Variants in TMEM209 observed in about 807,000 individuals in gnomAD.
The protein encoded by TMEM209 is testicular tissue protein Li 202.
A neutral mutation model predicts 76.2 loss-of-function variants in TMEM209; 65 were observed. The ratio of observed to expected loss-of-function variants is 0.85; its 90% CI spans 0.70 to 1.05. TMEM209 has a LOEUF of 1.05. Among genes scored for constraint, TMEM209 ranks in the 50% least tolerant of loss-of-function variants. TMEM209 has a pLI of 0.00. For missense variants in TMEM209, 623 were observed against 685.5 expected, an observed-to-expected ratio of 0.91 and a Z score of 1.02; for synonymous variants, 239 against 237.6, an observed-to-expected ratio of 1.01 and a Z score of -0.06.
In TMEM209 at chr7:130,192,679, G is replaced by A. The variant is rs1797837452; in HGVS notation, c.718C>T (p.Arg240Ter). The A allele has an allele frequency of 1.9e-6, 3 of 1,613,750 alleles. No homozygotes were observed. The highest frequency in any genetic ancestry group is 1.1e-5 in the South Asian group (1 of 91,080). The change falls in exon 6 of 15, where the codon CGA becomes TGA. Residue 240 changes from arginine to a stop codon, truncating the protein, a stop_gained. Coordinates refer to ENST00000397622, the MANE Select transcript of TMEM209 (RefSeq NM_032842.4). LOFTEE classifies it high-confidence loss of function. ...CTTCTGAGAAAAGTATCCAAAGTTC[G>A]TAGGTCGGTCATGTAGTCTTCTTTG... ...TDKEDYMTDL[R>*]TLDTFLRSEE...
rs1231122299 is a variant in TMEM209, at chr7:130,170,374, T to TA, written c.1631+25dup. ...GGAAGAAAATCAGTAAATAACTACTTACGTTTTTAAAGCATAAGTACCTAC... is the reference window on the plus strand; with the variant it reads ...GGAAGAAAATCAGTAAATAACTACTTAACGTTTTTAAAGCATAAGTACCTAC... On this transcript the variant is annotated intron_variant, in intron 14 of 14. Transcript: ENST00000397622. The TA allele has an allele frequency of 3.8e-6, 6 of 1,578,322 alleles. No homozygotes were observed. In the African/African-American group the frequency reaches 4.1e-5, roughly 11 times the overall value.
chr7:130,185,314 G>T lies in TMEM209; in HGVS notation c.829C>A (p.Arg277Ser), dbSNP rs1194955415. The change falls in exon 7 of 15, where the codon CGT (arginine) becomes AGT (serine). Residue 277 changes from arginine (R) to serine (S), a missense_variant. Physicochemically the swap from Arg to Ser is moderately radical, Grantham distance 110. Coordinates refer to ENST00000397622, the MANE Select transcript of TMEM209 (RefSeq NM_032842.4). ...GTTTGTGCATAATCCCCCATAGAAC[G>T]ACTATAGTTCCAGAAAGTAGGACTG... ...SSSPTFWNYSRSMGDYAQTLK... is the reference protein window; with the variant it reads ...SSSPTFWNYSSSMGDYAQTLK... 1 of 1,613,952 alleles carries T rather than the reference G, an allele frequency of 6.2e-7. No individual in the cohort carries two copies. The highest frequency in any genetic ancestry group is 8.5e-7 in the Non-Finnish European group (1 of 1,179,864).
chr7:130,184,345 A>C, intron 7 of TMEM209, 90 bp from the exon 8 acceptor site: 1 of 999,838 alleles, frequency 1.0e-6, no homozygotes, highest in Non-Finnish European at 1.4e-6. Context: ...AAAATATTTA[A>C]TGAACTTTGA....
chr7:130,202,545 C>A lies in TMEM209; in HGVS notation c.318G>T (p.Gly106=). ...VVSPGQQTLL[G]LKTAVVQTTP... ...TAAAACACTCACCAGCTGTTTTCAA[C>A]CCTAAAAGTGTTTGCTGTCCAGGAC... The change falls in exon 4 of 15, where the codon GGG becomes GGT. Residue 106 remains glycine, a synonymous_variant. Coordinates refer to ENST00000397622, the MANE Select transcript of TMEM209 (RefSeq NM_032842.4). 6.2e-7 allele frequency: 1 copy of A among 1,611,912 alleles called. No homozygotes were observed. The highest frequency in any genetic ancestry group is 8.5e-7 in the Non-Finnish European group (1 of 1,179,246).
At chr7:130,202,817 G>T (rs1271534334) in intron 3 of TMEM209, among the ~76,000 whole-genome samples, 154 bp from the exon 4 acceptor site, 1 of 152,110 alleles carries the variant, frequency 6.6e-6, no homozygotes, top group Admixed American at 6.6e-5. Context: ...GGCTGGGCAT[G>T]GTGGCTCACA....
intron 8 of TMEM209, 163 bp from the exon 9 acceptor site, chr7:130,181,882 C>A (rs1797432510): frequency 1.8e-6 from 1 of 554,258 alleles, no homozygotes; most frequent in Admixed American, 3.1e-5. Flanking sequence ...GTAATAGCTA[C>A]CCGAAATCAA....
At chr7:130,178,244 A>C (rs1191203339) in intron 10 of TMEM209, among the ~76,000 whole-genome samples, 158 bp downstream of exon 10, 1 of 152,200 alleles carries the variant, frequency 6.6e-6, no homozygotes, top group African/African-American at 2.4e-5. Flanking sequence ...CTCATATTTA[A>C]GTTTCCTACA....
chr7:130,202,388 A>T, intron 4 of TMEM209, 144 bp downstream of exon 4: 1 of 1,195,866 alleles, frequency 8.4e-7, no homozygotes, highest in Non-Finnish European at 1.2e-6. Flanking sequence ...AATGATAATC[A>T]TTGGTCATAA....
chr7:130,204,856 G>T, intron 1 of TMEM209: 1 of 807,848 alleles, frequency 1.2e-6, no homozygotes, highest in Non-Finnish European at 1.5e-6. Context: ...ACATCCTCAT[G>T]CAGACGCCAT....
intron 8 of TMEM209, among the ~76,000 whole-genome samples, chr7:130,183,188 G>A (rs1797482176): frequency 6.6e-6 from 1 of 152,180 alleles, no homozygotes; most frequent in South Asian, 2.1e-4. Context: ...ACAAACTCCA[G>A]TTTCAGGAGA....
intron 13 of TMEM209, among the ~76,000 whole-genome samples, chr7:130,171,844 A>G (rs1451927817): frequency 1.3e-5 from 2 of 152,134 alleles, no homozygotes; most frequent in Admixed American, 1.3e-4. Context: ...CCTGGCTAAC[A>G]CAGTAAAACC....
intron 6 of TMEM209, among the ~76,000 whole-genome samples, chr7:130,186,212 A>G (rs1797593728): frequency 6.6e-6 from 1 of 152,260 alleles, no homozygotes; most frequent in Admixed American, 6.5e-5. Context: ...ACTTATAAAT[A>G]GAAACAATTT....
chr7:130,204,837 G>C (rs1196403192), intron 1 of TMEM209: 2 of 676,094 alleles, frequency 3.0e-6, no homozygotes, highest in Non-Finnish European at 3.7e-6. Flanking sequence ...AAGTCATAAA[G>C]ACTGTTGTAC....
intron 9 of TMEM209, 99 bp downstream of exon 9, chr7:130,181,524 C>T (rs1339214397): frequency 2.0e-6 from 2 of 1,017,348 alleles, no homozygotes. Flanking sequence ...GGTTTTTCAC[C>T]CCAAGGTAAC....
intron 5 of TMEM209, among the ~76,000 whole-genome samples, chr7:130,193,115 C>A (rs950633965): frequency 2.0e-5 from 3 of 152,182 alleles, no homozygotes; most frequent in African/African-American, 7.2e-5. Flanking sequence ...TGAAAACTTA[C>A]GGCCACACAC....
chr7:130,175,508 T>G lies in TMEM209; in HGVS notation c.1344+4A>C. The G allele has an allele frequency of 6.2e-7, 1 of 1,610,512 alleles. No individual in the cohort carries two copies. Among genetic ancestry groups the G allele is most frequent in the South Asian group, 1.1e-5 (1 of 90,114 alleles). On this transcript the variant is annotated splice_donor_region_variant and intron_variant, in intron 11 of 14. Transcript: ENST00000397622. ...TAAATGAATGAAAGAATCTAGGGGC[T>G]TACAGCAGAATCGGTGGGCAGGTCT...
At chr7:130,178,868 T>C (rs1797325062) in intron 9 of TMEM209, among the ~76,000 whole-genome samples, 1 of 152,138 alleles carries the variant, frequency 6.6e-6, no homozygotes, top group South Asian at 2.1e-4. Flanking sequence ...CTCAATCGAA[T>C]GGGCTCAAGC....
At position 130,202,613 on chromosome 7, in the gene TMEM209, T is replaced by A. The variant is rs1056496295; in HGVS notation, c.250A>T (p.Arg84Ter). Reference sequence around the variant, plus strand: ...GGTGCCACAGTATATTTGAAATATCTCCAAAAATCAAATAAGGCATTAAGG... The same window carrying A: ...GGTGCCACAGTATATTTGAAATATCACCAAAAATCAAATAAGGCATTAAGG... ...FSLNALFDFWRYFKYTVAPTS... is the reference protein window; with the variant it reads ...FSLNALFDFW Residue 84 changes from arginine (R) to a stop codon, truncating the protein, a stop_gained, in exon 4 of 15, where the codon AGA becomes TGA. Transcript: ENST00000397622. LOFTEE classifies it high-confidence loss of function. 2 of 1,613,652 alleles carry A rather than the reference T, an allele frequency of 1.2e-6. No individual in the cohort carries two copies. Among genetic ancestry groups the A allele is most frequent in the Non-Finnish European group, 1.7e-6 (2 of 1,179,816 alleles).
In TMEM209 at chr7:130,181,686, G is replaced by T; in HGVS notation, c.1057C>A (p.Gln353Lys). ...INETILVPLVQEIESVSTQMR... is the reference protein window; with the variant it reads ...INETILVPLVKEIESVSTQMR... The stretch of plus-strand genomic sequence containing the variant: ...TGTGTGCTGACAGACTCAATCTCTT[G>T]AACAAGTGGCACTAATATTGTCTCA... Residue 353 changes from glutamine (Q) to lysine (K), a missense_variant, in exon 9 of 15, where the codon CAA (glutamine) becomes AAA (lysine). By Grantham distance (53) the Gln-to-Lys change is moderately conservative. Coordinates refer to ENST00000397622, the MANE Select transcript of TMEM209 (RefSeq NM_032842.4). 6.2e-7 allele frequency: 1 copy of T among 1,611,310 alleles called. No individual in the cohort carries two copies. The highest frequency in any genetic ancestry group is 8.5e-7 in the Non-Finnish European group (1 of 1,178,772).
Sources: gnomAD v4.1 joint callset for allele counts (sites outside exome capture counted in the v4.1 genomes callset) on GRCh38, gnomAD v4.1.1 for gene constraint, MANE v1.5 for transcripts, NCBI Gene and HGNC (gene_info 2026-07-23, HGNC 2026-07-21) for gene names.